The following AMN variants were observed in gnomAD, a reference collection of about 807,000 sequenced individuals.
The protein encoded by AMN is amnion associated transmembrane protein.
In AMN, 40 loss-of-function variants were observed where a neutral mutation model predicts 49.1. The observed-to-expected ratio is 0.81, with a 90% CI of 0.63 to 1.06. AMN has a LOEUF of 1.06. AMN is among the 50% of genes least tolerant of loss of function. The probability of loss-of-function intolerance (pLI) is 0.00; values close to 1 mark genes in which losing one functional copy is unlikely to be tolerated. For synonymous variants in AMN, 380 were observed against 313.3 expected, an observed-to-expected ratio of 1.21 and a Z score of -2.25; for missense variants, 701 against 662.8, an observed-to-expected ratio of 1.06 and a Z score of -0.63.
chr14:102,925,488 C>T (rs1301301894), intron 3 of AMN, among the ~76,000 whole-genome samples: 1 of 152,172 alleles, frequency 6.6e-6, no homozygotes, highest in East Asian at 1.9e-4. Context: ...AGGCGGTTGC[C>T]CCTTGTGGCC....
Position 102,923,698 on chromosome 14 carries a change from G to A in AMN, c.44-13G>A. On this transcript the variant is annotated splice_polypyrimidine_tract_variant and intron_variant, in intron 1 of 11. Transcript: ENST00000299155. ...CGGAGAGCATCCCGGGCACTCAGTC[G>A]CCTCCTCCCCAGCACTGACCCAGGC... is the stretch of plus-strand genomic sequence containing the variant. 1 of 1,607,496 alleles carries A rather than the reference G, an allele frequency of 6.2e-7. No individual in the cohort carries two copies. Among genetic ancestry groups the A allele is most frequent in the South Asian group, 1.1e-5 (1 of 90,974 alleles).
chr14:102,929,818 T>A, intron 8 of AMN, 81 bp downstream of exon 8: 1 of 1,541,242 alleles, frequency 6.5e-7, no homozygotes, highest in Non-Finnish European at 8.8e-7. Flanking sequence ...TTCTGCAGGG[T>A]CCCTGCGGCT....
At chr14:102,926,878 A>G (rs1891200361) in intron 3 of AMN, among the ~76,000 whole-genome samples, 1 of 151,866 alleles carries the variant, frequency 6.6e-6, no homozygotes, top group South Asian at 2.1e-4. Flanking sequence ...GTATTGGTTA[A>G]TTCATCAATA....
Position 102,929,741 on chromosome 14 carries a change from A to C in AMN, c.843+4A>C. The C allele has an allele frequency of 6.5e-7, 1 of 1,549,692 alleles. No individual in the cohort carries two copies. On this transcript the variant is annotated splice_donor_region_variant and intron_variant, in intron 8 of 11. Transcript: ENST00000299155. ...ACTGGACACCTTCCTGGGTCTGGTA[A>C]TGGGGCCGCGCGGGCAGCTGAGGGG...
At chr14:102,927,694 C>G (rs1891218165) in intron 3 of AMN, among the ~76,000 whole-genome samples, 1 of 152,218 alleles carries the variant, frequency 6.6e-6, no homozygotes, top group Non-Finnish European at 1.5e-5. Flanking sequence ...GCCCAGCGCT[C>G]ACCCTCAGCC....
At chr14:102,926,824 G>A (rs13379138) in intron 3 of AMN, among the ~76,000 whole-genome samples, 8,444 of 152,170 alleles carry the variant, frequency 0.055, 317 homozygotes, top group African/African-American at 0.1. Context: ...GTCATCCATG[G>A]CCTCTTTAGC....
In AMN at chr14:102,929,225, G is replaced by C. The variant is rs760738336; in HGVS notation, c.618G>C (p.Ala206=). The C allele has an allele frequency of 3.9e-5, 60 of 1,545,808 alleles. No homozygotes were observed. The highest frequency in any genetic ancestry group is 4.8e-5 in the Non-Finnish European group (56 of 1,155,054). Reference sequence around the variant, plus strand: ...TGAGCGTGGGCCCCGAGGACTGCGCGGACCCGTCGGGCTGCGTCTGCGGCA... The same window carrying C: ...TGAGCGTGGGCCCCGAGGACTGCGCCGACCCGTCGGGCTGCGTCTGCGGCA... ...GALSVGPEDC[A]DPSGCVCGNA... The change falls in exon 6 of 12, where the codon GCG becomes GCC. Residue 206 remains alanine, a synonymous_variant. Coordinates refer to ENST00000299155, the MANE Select transcript of AMN (RefSeq NM_030943.4).
rs1371462518 is a variant in AMN at position 102,929,972 on chromosome 14, T to C, written c.892T>C (p.Ser298Pro). The change falls in exon 9 of 12, where the codon TCC becomes CCC. Residue 298 changes from serine to proline, a missense_variant. Coordinates refer to ENST00000299155, the MANE Select transcript of AMN (RefSeq NM_030943.4). The stretch of plus-strand genomic sequence containing the variant: ...GGCCGTGTCCAAGGTGCCACGCTCG[T>C]CCCGGCTCCGTGAGGCCGATACGGA... ...QVAVSKVPRS[S>P]RLREADTEIQ... is the part of the protein sequence containing the mutation. The C allele has an allele frequency of 1.7e-5, 26 of 1,564,604 alleles. No homozygotes were observed. The highest frequency in any genetic ancestry group is 1.9e-5 in the Non-Finnish European group (22 of 1,155,736).
intron 3 of AMN, among the ~76,000 whole-genome samples, chr14:102,924,210 GT>G (rs1314408708): frequency 1.7e-3 from 254 of 152,288 alleles, no homozygotes; most frequent in African/African-American, 6.0e-3. Flanking sequence ...AGGCACCCCT[GT>G]CCCCACAGCC....
intron 3 of AMN, among the ~76,000 whole-genome samples, chr14:102,925,536 C>A (rs1384946975): frequency 6.6e-6 from 1 of 152,156 alleles, no homozygotes; most frequent in Non-Finnish European, 1.5e-5. Context: ...GGCAACCAGG[C>A]AGCCCGAGTG....
Position 102,930,073 on chromosome 14 carries a change from C to T in AMN, c.993C>T (p.Asp331=). 5 of 1,541,944 alleles carry T rather than the reference C, an allele frequency of 3.2e-6. No individual in the cohort carries two copies. Among genetic ancestry groups the T allele is most frequent in the Non-Finnish European group, 4.4e-6 (5 of 1,145,210 alleles). ...GGCTGGCCCGGGCCCTCCTGGCGGA[C>T]GTCGCCGAGAACGGTAACCGCGCCC... ...AGRLARALLA[D]VAENGEALGV... Residue 331 remains aspartate, a synonymous_variant, in exon 9 of 12, where the codon GAC becomes GAT. Coordinates refer to ENST00000299155, the MANE Select transcript of AMN (RefSeq NM_030943.4).
At chr14:102,923,851 G>T (rs757005037) in intron 2 of AMN, 22 bp downstream of exon 2, 1 of 1,612,640 alleles carries the variant, frequency 6.2e-7, no homozygotes, top group Non-Finnish European at 8.5e-7. Flanking sequence ...CGCCGGCGGG[G>T]TCGGTGATGG....
chr14:102,929,788 G>T, intron 8 of AMN, 51 bp downstream of exon 8: 4 of 1,545,476 alleles, frequency 2.6e-6, no homozygotes, highest in Non-Finnish European at 3.5e-6. Flanking sequence ...CAGCCCTACC[G>T]CCTCCGCCTA....
chr14:102,924,722 T>G (rs1449611294), intron 3 of AMN, among the ~76,000 whole-genome samples: 1 of 151,752 alleles, frequency 6.6e-6, no homozygotes, highest in Non-Finnish European at 1.5e-5. Flanking sequence ...GTTCCATGAG[T>G]AGGTAAGTTT....
At chr14:102,923,674 G>T in intron 1 of AMN, 37 bp from the exon 2 acceptor site, 1 of 1,568,466 alleles carries the variant, frequency 6.4e-7, no homozygotes, top group Non-Finnish European at 8.8e-7. Flanking sequence ...GGAGCATCCC[G>T]GAGAGCATCC....
chr14:102,929,507 G>A lies in AMN; in HGVS notation c.731G>A (p.Arg244Gln). The A allele has an allele frequency of 1.3e-6, 2 of 1,534,196 alleles. No homozygotes were observed. The highest frequency in any genetic ancestry group is 8.7e-7 in the Non-Finnish European group (1 of 1,145,650). The change falls in exon 7 of 12, where the codon CGG (arginine) becomes CAG (glutamine). Residue 244 changes from arginine (R) to glutamine (Q), a missense_variant. Coordinates refer to ENST00000299155, the MANE Select transcript of AMN (RefSeq NM_030943.4). The part of the protein sequence containing the change: ...CPQAACHSAL[R>Q]PQGQCCDLCG... ...CAGGCCGCCTGCCACAGCGCCCTCC[G>A]GCCCCAGGGGCAGTGCTGTGACCTC...
intron 3 of AMN, among the ~76,000 whole-genome samples, 172 bp from the exon 4 acceptor site, chr14:102,928,254 G>A (rs1891231597): frequency 6.6e-6 from 1 of 152,254 alleles, no homozygotes; most frequent in South Asian, 2.1e-4. Flanking sequence ...TCCCAGGCCA[G>A]ATCCGCTTCC....
chr14:102,928,388 C>A (rs374964770), intron 3 of AMN, 38 bp from the exon 4 acceptor site: 3 of 1,538,944 alleles, frequency 1.9e-6, no homozygotes, highest in African/African-American at 2.7e-5. Context: ...CAGGCCCGGA[C>A]CCCCGCGTGG....
rs1384775396 is a variant in AMN at position 102,928,648 on chromosome 14, G to A, written c.296-110G>A. 3 of 1,498,852 alleles carry A rather than the reference G, an allele frequency of 2.0e-6. No individual in the cohort carries two copies. In the African/African-American group the frequency reaches 4.1e-5, roughly 21 times the overall value. The allele number at this position is 1,498,852 out of a possible 1,614,324, so 92.8% of individuals were successfully genotyped here. ...GCGTGGTTTAGGGAGTGGCGGAAGT[G>A]TCCCGAAGCGGGGCTTGGGAGGTCG... is the stretch of plus-strand genomic sequence containing the variant. On this transcript the variant is annotated intron_variant, in intron 4 of 11. Coordinates refer to ENST00000299155, the MANE Select transcript of AMN (RefSeq NM_030943.4).
Sources: gnomAD v4.1 joint callset for allele counts (sites outside exome capture counted in the v4.1 genomes callset) on GRCh38, gnomAD v4.1.1 for gene constraint, MANE v1.5 for transcripts, NCBI Gene and HGNC (gene_info 2026-07-23, HGNC 2026-07-21) for gene names.